The following CD163L1 variants were observed in gnomAD, a reference collection of about 807,000 sequenced individuals.
CD163L1 encodes the protein scavenger receptor cysteine-rich type 1 protein M160.
A neutral mutation model predicts 165.4 loss-of-function variants in CD163L1; 124 were observed. The observed-to-expected ratio is 0.75, with a 90% confidence interval of 0.65 to 0.87. The LOEUF (loss-of-function observed/expected upper bound fraction) is 0.87. CD163L1 is among the 40% of genes least tolerant of loss of function. The pLI is 0.00. For synonymous variants in CD163L1, 585 were observed against 662.2 expected, an observed-to-expected ratio of 0.88 and a Z score of 1.79; for missense variants, 1,525 against 1,799.9, an observed-to-expected ratio of 0.85 and a Z score of 2.76.
chr12:7,422,416 G>C (rs1948456397), intron 4 of CD163L1, among the ~76,000 whole-genome samples: 1 of 151,824 alleles, frequency 6.6e-6, no homozygotes, highest in South Asian at 2.1e-4. Context: ...CTCCAGCAAG[G>C]GCACAAAACT....
chr12:7,390,446 C>T (rs1947628429), intron 8 of CD163L1, among the ~76,000 whole-genome samples: 1 of 152,044 alleles, frequency 6.6e-6, no homozygotes, highest in African/African-American at 2.4e-5. Flanking sequence ...TGCAGCATTC[C>T]ATGCTTGAGT....
the CD163L1 span, chr12:7,326,848 T>G: frequency 8.6e-6 from 9 of 1,047,006 alleles, no homozygotes; most frequent in Non-Finnish European, 1.2e-5. Context: ...AGAGGTAACC[T>G]CTGGCATTTG....
intron 13 of CD163L1, 63 bp from the exon 14 acceptor site, chr12:7,373,703 A>G: frequency 7.1e-7 from 1 of 1,415,102 alleles, no homozygotes; most frequent in Non-Finnish European, 9.5e-7. Context: ...TCCCTCCCCA[A>G]GGAATCCATT....
chr12:7,437,237 C>CT (rs1948732760), intron 2 of CD163L1, among the ~76,000 whole-genome samples: 2 of 1,392 alleles, frequency 1.4e-3, no homozygotes, highest in African/African-American at 2.1e-3. Context: ...AAAGTATTTA[C>CT]TTTTAAATAG....
the CD163L1 span, among the ~76,000 whole-genome samples, chr12:7,327,489 A>G: frequency 6.6e-6 from 1 of 152,196 alleles, no homozygotes; most frequent in Non-Finnish European, 1.5e-5. Context: ...GTATCAAGTG[A>G]CCTCATTTAG....
chr12:7,406,741 T>C lies in CD163L1; in HGVS notation c.878A>G (p.Asn293Ser), dbSNP rs150585643. 3.3e-5 allele frequency: 54 copies of C among 1,614,052 alleles called. No individual in the cohort carries two copies. In the African/African-American group the frequency reaches 4.9e-4, roughly 15 times the overall value. The part of the protein sequence containing the change: ...WGTVCHHKWN[N>S]AAADVVCKQL... Reference sequence around the variant, plus strand: ...CTTGCATACGACATCAGCTGCAGCATTGTTCCACTTATGGTGGCATACGGT... The same window carrying C: ...CTTGCATACGACATCAGCTGCAGCACTGTTCCACTTATGGTGGCATACGGT... Residue 293 changes from asparagine to serine, a missense_variant, in exon 5 of 20, where the codon AAT (asparagine) becomes AGT (serine). Transcript: ENST00000313599.
intron 4 of CD163L1, among the ~76,000 whole-genome samples, chr12:7,421,049 GTATATACGTATATATGTA>G (rs1275505386): frequency 1.4e-5 from 1 of 71,594 alleles, no homozygotes; most frequent in Non-Finnish European, 2.2e-5. Context: ...GTATATATAT[GTATATACGTATATATGTA>G]TATATACGTA....
In CD163L1 at chr12:7,369,359, G is replaced by A. The variant is rs779004989; in HGVS notation, c.4037C>T (p.Ser1346Phe). The A allele has an allele frequency of 1.5e-5, 25 of 1,613,604 alleles. No homozygotes were observed. The highest frequency in any genetic ancestry group is 2.2e-5 in the East Asian group (1 of 44,872). The change falls in exon 15 of 20, where the codon TCT becomes TTT. Residue 1346 changes from serine to phenylalanine, a missense_variant and splice_region_variant. Ser to Phe is a radical substitution (Grantham distance 155). Coordinates refer to ENST00000313599, the MANE Select transcript of CD163L1 (RefSeq NM_174941.6). The surrounding 1 kb of genome is among the most constrained non-coding windows in gnomAD (Gnocchi z 4.9). ...AAGTGCAGCCTTTTCACACTTACCAGAGCACCTCACGCCAGCATCTTCCTT... is the reference window on the plus strand; with the variant it reads ...AAGTGCAGCCTTTTCACACTTACCAAAGCACCTCACGCCAGCATCTTCCTT... The part of the protein sequence containing the change: ...GHKEDAGVRC[S>F]GQSLKSLNAS...
intron 8 of CD163L1, among the ~76,000 whole-genome samples, chr12:7,382,176 G>A (rs1053264919): frequency 6.6e-6 from 1 of 151,832 alleles, no homozygotes; most frequent in African/African-American, 2.4e-5. Context: ...GGACAGAGAA[G>A]AAAGGTGTGG....
At chr12:7,357,851 G>T (rs1390922460) in intron 18 of CD163L1, among the ~76,000 whole-genome samples, 1 of 151,986 alleles carries the variant, frequency 6.6e-6, no homozygotes, top group African/African-American at 2.4e-5. Flanking sequence ...TTATATTTAG[G>T]GAATTGTTCC....
At chr12:7,421,559 A>G (rs140918173) in intron 4 of CD163L1, among the ~76,000 whole-genome samples, 1,586 of 114,580 alleles carry the variant, frequency 0.014, 80 homozygotes, top group African/African-American at 0.049. Context: ...ACATATACAT[A>G]TATGTACATA....
At chr12:7,333,031 G>T in the CD163L1 span, among the ~76,000 whole-genome samples, 1 of 152,024 alleles carries the variant, frequency 6.6e-6, no homozygotes, top group Non-Finnish European at 1.5e-5. Context: ...GCTGTATTCA[G>T]GAAACCCATC....
chr12:7,438,860 A>G (rs931473915), intron 2 of CD163L1: 33 of 1,574,904 alleles, frequency 2.1e-5, no homozygotes, highest in Middle Eastern at 3.3e-4. Context: ...AGATATAGGC[A>G]TAAGCTTCTC....
intron 8 of CD163L1, among the ~76,000 whole-genome samples, chr12:7,390,785 G>A (rs1258024430): frequency 6.6e-6 from 1 of 152,102 alleles, no homozygotes; most frequent in African/African-American, 2.4e-5. Flanking sequence ...TTGAAAACAA[G>A]GAAGCCCAAA....
chr12:7,377,071 T>C (rs1192716290), intron 9 of CD163L1, among the ~76,000 whole-genome samples: 1 of 152,230 alleles, frequency 6.6e-6, no homozygotes, highest in East Asian at 1.9e-4. Context: ...TGGTGCCAGG[T>C]CCTGATGTTT....
chr12:7,333,559 C>A, the CD163L1 span, among the ~76,000 whole-genome samples: 1 of 151,930 alleles, frequency 6.6e-6, no homozygotes, highest in Non-Finnish European at 1.5e-5. Context: ...AAATTGACAC[C>A]CTAACATGAC....
At chr12:7,333,056 T>A in the CD163L1 span, among the ~76,000 whole-genome samples, 1 of 151,556 alleles carries the variant, frequency 6.6e-6, no homozygotes, top group African/African-American at 2.4e-5. Context: ...CTGAAACCCA[T>A]CTCACCAGGA....
rs1342512258 is a variant in CD163L1 at position 7,438,742 on chromosome 12, C to A, written c.124+2412G>T. ...TTGCTTGTGAAATGTCTTGGCCACT[C>A]AACACGGGTTTTCTGCTGCCTCCCG... On this transcript the variant is annotated intron_variant, in intron 2 of 19. Coordinates refer to ENST00000313599, the MANE Select transcript of CD163L1 (RefSeq NM_174941.6). 5 of 1,191,736 alleles carry A rather than the reference C, an allele frequency of 4.2e-6. No individual in the cohort carries two copies. The East Asian group carries it at 9.7e-5, about 23-fold the overall frequency. 73.8% of individuals were successfully genotyped at this position (1,191,736 alleles called of 1,614,324 possible).
intron 8 of CD163L1, among the ~76,000 whole-genome samples, chr12:7,385,256 A>C (rs1350247346): frequency 6.6e-6 from 1 of 151,916 alleles, no homozygotes; most frequent in East Asian, 1.9e-4. Context: ...ACTGTAAAAA[A>C]AAAAAAAGAC....
Sources: gnomAD v4.1 joint callset for allele counts (sites outside exome capture counted in the v4.1 genomes callset) on GRCh38, gnomAD v4.1.1 for gene constraint, Gnocchi (gnomAD v3.1) non-coding constraint, MANE v1.5 for transcripts, NCBI Gene and HGNC (gene_info 2026-07-23, HGNC 2026-07-21) for gene names.